The following RAD17 variants were observed in gnomAD, a reference collection of about 807,000 sequenced individuals.
RAD17 encodes the protein cell cycle checkpoint protein RAD17.
A neutral mutation model predicts 81.5 loss-of-function variants in RAD17; 31 were observed. That is an observed-to-expected ratio of 0.38 (90% confidence interval 0.29 to 0.51). RAD17 has a LOEUF of 0.51. RAD17 is among the 20% of genes least tolerant of loss of function. The pLI is 0.88. For missense variants in RAD17, 681 were observed against 781.2 expected (o/e 0.87, Z 1.53); for synonymous variants, 261 against 266.2 (o/e 0.98, Z 0.19).
chr5:69,398,104 G>A (rs940092183), intron 16 of RAD17, among the ~76,000 whole-genome samples: 11 of 151,268 alleles, frequency 7.3e-5, no homozygotes, highest in Non-Finnish European at 1.3e-4. Context: ...GAGACAGAGC[G>A]AGACTCCATC....
At chr5:69,406,962 T>C (rs1353977315) in intron 17 of RAD17, among the ~76,000 whole-genome samples, 1 of 151,630 alleles carries the variant, frequency 6.6e-6, no homozygotes, top group Non-Finnish European at 1.5e-5. Context: ...ATATATACAA[T>C]TTTGTTTGTT....
chr5:69,404,950 G>A (rs547262082), intron 17 of RAD17, among the ~76,000 whole-genome samples: 2 of 152,076 alleles, frequency 1.3e-5, no homozygotes, highest in South Asian at 4.2e-4. Context: ...AAAAGGCAAA[G>A]GACCAGATAG....
intron 6 of RAD17, among the ~76,000 whole-genome samples, chr5:69,381,406 G>A (rs942499762): frequency 2.0e-5 from 3 of 151,918 alleles, no homozygotes; most frequent in African/African-American, 4.8e-5. Flanking sequence ...GCGTGAACCC[G>A]GGAGGCGGAG....
intron 17 of RAD17, among the ~76,000 whole-genome samples, chr5:69,408,346 C>T (rs1765759505): frequency 6.6e-6 from 1 of 152,024 alleles, no homozygotes; most frequent in African/African-American, 2.4e-5. Flanking sequence ...TCTTTTGCAA[C>T]ATGAAGCCTT....
At chr5:69,389,600 T>C (rs1764422439) in intron 12 of RAD17, among the ~76,000 whole-genome samples, 1 of 152,208 alleles carries the variant, frequency 6.6e-6, no homozygotes, top group Non-Finnish European at 1.5e-5. Context: ...CAGCCATTAA[T>C]CAGTTTAATA....
chr5:69,399,870 T>C (rs1292563399), intron 16 of RAD17, among the ~76,000 whole-genome samples, 179 bp from the exon 17 acceptor site: 3 of 152,080 alleles, frequency 2.0e-5, no homozygotes, highest in African/African-American at 7.2e-5. Flanking sequence ...TATTAAACGA[T>C]GCTAAAAAAA....
chr5:69,409,177 G>C (rs1765815235), intron 17 of RAD17, among the ~76,000 whole-genome samples: 1 of 152,118 alleles, frequency 6.6e-6, no homozygotes, highest in African/African-American at 2.4e-5. Context: ...TGGGTGCCCA[G>C]CTGCAGAGGT....
chr5:69,393,525 TTA>T, intron 15 of RAD17, 25 bp downstream of exon 15: 1 of 1,571,658 alleles, frequency 6.4e-7, no homozygotes, highest in Non-Finnish European at 8.6e-7. Flanking sequence ...CTTAAAATGT[TTA>T]TGTTTATAGT....
At chr5:69,381,850 C>A in intron 6 of RAD17, 51 bp from the exon 7 acceptor site, 1 of 1,295,772 alleles carries the variant, frequency 7.7e-7, no homozygotes, top group South Asian at 1.4e-5. Context: ...AAATAATATT[C>A]TAGCATTCCA....
Position 69,414,386 on chromosome 5 carries a change from T to A in RAD17, c.*94T>A. 7.5e-7 allele frequency: 1 copy of A among 1,327,736 alleles called. No homozygotes were observed. The highest frequency in any genetic ancestry group is 1.0e-6 in the Non-Finnish European group (1 of 965,166). The allele number at this position is 1,327,736 out of a possible 1,614,324, so 82.2% of individuals were successfully genotyped here. On this transcript the variant is annotated 3_prime_UTR_variant, in exon 19 of 19. Coordinates refer to ENST00000354868, the MANE Select transcript of RAD17 (RefSeq NM_133338.3). ...GAGTTAATATGCTTTTCTGATGAAT[T>A]ACACAACAGTTTGTTAATTCTTCAT...
chr5:69,383,320 G>A (rs530851764), intron 7 of RAD17, among the ~76,000 whole-genome samples: 6 of 151,920 alleles, frequency 3.9e-5, no homozygotes, highest in Admixed American at 1.3e-4. Flanking sequence ...ACTCCCTTGT[G>A]CTACTAGTAT....
intron 7 of RAD17, 50 bp downstream of exon 7, chr5:69,382,107 A>G (rs773066135): frequency 5.1e-5 from 79 of 1,552,694 alleles, no homozygotes; most frequent in Non-Finnish European, 6.8e-5. Context: ...ACCTGTGCTT[A>G]AGGGAGCTTT....
In RAD17 at chr5:69,384,922, A is replaced by G; in HGVS notation, c.634A>G (p.Ile212Val). The G allele has an allele frequency of 1.3e-6, 2 of 1,588,690 alleles. No individual in the cohort carries two copies. Among genetic ancestry groups the G allele is most frequent in the South Asian group, 1.2e-5 (1 of 85,544 alleles). ...GDDLRTDKKIILVEDLPNQFY... is the reference protein window; with the variant it reads ...GDDLRTDKKIVLVEDLPNQFY... ...TGATCTGAGAACTGATAAGAAGATA[A>G]TTCTGGTTGAAGTAAGGACAACTTT... Residue 212 changes from isoleucine (I) to valine (V), a missense_variant, in exon 8 of 19, where the codon ATT becomes GTT. Physicochemically the swap from Ile to Val is conservative, Grantham distance 29. Transcript: ENST00000354868.
At chr5:69,384,371 A>T (rs1481610658) in intron 7 of RAD17, among the ~76,000 whole-genome samples, 1 of 149,996 alleles carries the variant, frequency 6.7e-6, no homozygotes, top group East Asian at 2.1e-4. Context: ...CAGTGACACA[A>T]TCTTGGCTCA....
chr5:69,386,944 A>C (rs1422536765), intron 11 of RAD17, among the ~76,000 whole-genome samples: 1 of 123,912 alleles, frequency 8.1e-6, no homozygotes, highest in Non-Finnish European at 1.7e-5. Context: ...TTTTTTTTGG[A>C]GACAGGGTCT....
intron 13 of RAD17, 38 bp downstream of exon 13, chr5:69,392,051 C>G: frequency 7.2e-7 from 1 of 1,397,966 alleles, no homozygotes; most frequent in Non-Finnish European, 9.6e-7. Context: ...TGTTGGATAT[C>G]ACATAGTCTT....
chr5:69,379,111 G>A (rs10077458), intron 6 of RAD17, among the ~76,000 whole-genome samples: 52,029 of 151,932 alleles, frequency 0.34, 10,432 homozygotes, highest in Non-Finnish European at 0.46. Flanking sequence ...GCATGGTGGT[G>A]TGTGCCTGTA....
intron 17 of RAD17, among the ~76,000 whole-genome samples, chr5:69,401,780 G>A (rs1313756694): frequency 6.6e-6 from 1 of 151,782 alleles, no homozygotes; most frequent in Non-Finnish European, 1.5e-5. Context: ...AAGGTCAGGA[G>A]ATCGAGACCA....
At chr5:69,395,960 G>A (rs1235153965) in intron 15 of RAD17, among the ~76,000 whole-genome samples, 3 of 152,130 alleles carry the variant, frequency 2.0e-5, no homozygotes, top group African/African-American at 7.2e-5. Flanking sequence ...AAAGTGCTGG[G>A]ATTACAGGCG....
Sources: allele counts gnomAD v4.1 joint callset (sites outside exome capture counted in the v4.1 genomes callset), GRCh38; gene constraint gnomAD v4.1.1; transcripts MANE v1.5; gene names NCBI Gene and HGNC (gene_info 2026-07-23, HGNC 2026-07-21).